The following UBE2E2 variants were observed in gnomAD, a reference collection of about 807,000 sequenced individuals.
The protein encoded by UBE2E2 is ubiquitin-conjugating enzyme E2 E2.
Under a neutral mutation model 24.7 loss-of-function variants are expected in UBE2E2, and 6 were observed. That is an observed-to-expected ratio of 0.24 (90% CI 0.13 to 0.48). The LOEUF is 0.48. UBE2E2 is among the 20% of genes least tolerant of loss of function. The pLI is 0.99. For synonymous variants in UBE2E2, 104 were observed against 83.6 expected, an observed-to-expected ratio of 1.24 and a Z score of -1.33; for missense variants, 169 against 245.0, an observed-to-expected ratio of 0.69 and a Z score of 2.07.
At chr3:23,217,428 G>A (rs1431599500) in intron 3 of UBE2E2, 116 bp downstream of exon 3, 2 of 940,896 alleles carry the variant, frequency 2.1e-6, no homozygotes, top group African/African-American at 1.7e-5. Flanking sequence ...CATCATTGTT[G>A]TTTGAACTTA....
chr3:23,527,333 C>T (rs1278135396), intron 4 of UBE2E2, among the ~76,000 whole-genome samples: 2 of 152,158 alleles, frequency 1.3e-5, no homozygotes, highest in Non-Finnish European at 2.9e-5. Flanking sequence ...GATATAAAAA[C>T]TTATGTTCAC....
chr3:23,435,600 A>G (rs1698160311), intron 3 of UBE2E2, among the ~76,000 whole-genome samples: 1 of 152,216 alleles, frequency 6.6e-6, no homozygotes, highest in Non-Finnish European at 1.5e-5. Context: ...GGAACAGAGT[A>G]AACAACTAGG....
At chr3:23,460,448 A>G (rs1306057031) in intron 3 of UBE2E2, among the ~76,000 whole-genome samples, 1 of 152,150 alleles carries the variant, frequency 6.6e-6, no homozygotes, top group Non-Finnish European at 1.5e-5. Context: ...TGGCACCTAC[A>G]TTATGGGTTA....
intron 3 of UBE2E2, among the ~76,000 whole-genome samples, chr3:23,228,547 G>A (rs967412132): frequency 1.3e-5 from 2 of 151,970 alleles, no homozygotes; most frequent in Admixed American, 6.6e-5. Context: ...TATTATGCTC[G>A]TTGATTTACA....
At chr3:23,444,850 G>C (rs910887409) in intron 3 of UBE2E2, among the ~76,000 whole-genome samples, 1 of 152,176 alleles carries the variant, frequency 6.6e-6, no homozygotes, top group Non-Finnish European at 1.5e-5. Context: ...AGTGTTTGGT[G>C]GGATGCCATG....
chr3:23,486,856 T>C (rs1699384618), intron 3 of UBE2E2, among the ~76,000 whole-genome samples: 1 of 152,184 alleles, frequency 6.6e-6, no homozygotes, highest in African/African-American at 2.4e-5. Context: ...AAGGCGTCAA[T>C]GAAGTTCTCA....
intron 3 of UBE2E2, among the ~76,000 whole-genome samples, chr3:23,434,712 G>T (rs1419672651): frequency 6.6e-6 from 1 of 152,160 alleles, no homozygotes; most frequent in Non-Finnish European, 1.5e-5. Context: ...GAAACAGTTG[G>T]ATTGGGGGTG....
chr3:23,332,334 G>A (rs1318230914), intron 3 of UBE2E2, among the ~76,000 whole-genome samples: 1 of 151,928 alleles, frequency 6.6e-6, no homozygotes, highest in African/African-American at 2.4e-5. Flanking sequence ...AGTAGAGATG[G>A]GGCTTCATGA....
chr3:23,322,189 G>A (rs1694757663), intron 3 of UBE2E2, among the ~76,000 whole-genome samples: 1 of 152,136 alleles, frequency 6.6e-6, no homozygotes, highest in African/African-American at 2.4e-5. Flanking sequence ...GCTGGAAGCT[G>A]GAATTTTTCA....
chr3:23,495,895 CTG>C (rs147293609), intron 3 of UBE2E2, among the ~76,000 whole-genome samples: 2,151 of 152,156 alleles, frequency 0.014, 53 homozygotes, highest in African/African-American at 0.049. Context: ...GCTAGGATAA[CTG>C]TGATTTTATT....
intron 3 of UBE2E2, among the ~76,000 whole-genome samples, chr3:23,396,098 T>G (rs2125365722): frequency 6.6e-6 from 1 of 151,968 alleles, no homozygotes; most frequent in South Asian, 2.1e-4. Context: ...TAAGACTTTT[T>G]AATGCATTTT....
chr3:23,410,587 T>C (rs1330003606), intron 3 of UBE2E2, among the ~76,000 whole-genome samples: 1 of 152,190 alleles, frequency 6.6e-6, no homozygotes, highest in Non-Finnish European at 1.5e-5. Context: ...ACCTTCATCT[T>C]TTCTACTAAT....
At chr3:23,286,241 T>C (rs1032407691) in intron 3 of UBE2E2, among the ~76,000 whole-genome samples, 13 of 152,212 alleles carry the variant, frequency 8.5e-5, no homozygotes, top group Non-Finnish European at 1.8e-4. Flanking sequence ...ACTCAGGAAA[T>C]CTTTGCTCAG....
At chr3:23,522,875 T>C (rs1020600987) in intron 4 of UBE2E2, among the ~76,000 whole-genome samples, 1 of 151,814 alleles carries the variant, frequency 6.6e-6, no homozygotes, top group Non-Finnish European at 1.5e-5. Context: ...CCAAAGCACA[T>C]GGGACTTCTA....
At chr3:23,548,643 T>A (rs543800962) in intron 5 of UBE2E2, among the ~76,000 whole-genome samples, 1 of 152,320 alleles carries the variant, frequency 6.6e-6, no homozygotes, top group African/African-American at 2.4e-5. Context: ...GCCTCCTGAT[T>A]TTTCTGCTGC....
intron 3 of UBE2E2, among the ~76,000 whole-genome samples, chr3:23,248,024 C>T (rs974351464): frequency 2.0e-5 from 3 of 152,216 alleles, no homozygotes; most frequent in Non-Finnish European, 4.4e-5. Flanking sequence ...TATACCAAGC[C>T]AAGTGCATTT....
chr3:23,298,709 T>C (rs1271000633), intron 3 of UBE2E2, among the ~76,000 whole-genome samples: 1 of 151,902 alleles, frequency 6.6e-6, no homozygotes, highest in African/African-American at 2.4e-5. Context: ...ATTGAGGATT[T>C]TTGCATCAAT....
At chr3:23,503,927 TGTAA>T (rs1694367575) in intron 4 of UBE2E2, among the ~76,000 whole-genome samples, 1 of 152,180 alleles carries the variant, frequency 6.6e-6, no homozygotes, top group African/African-American at 2.4e-5. Context: ...AAGTTTAATA[TGTAA>T]GTATTTTAAT....
intron 3 of UBE2E2, among the ~76,000 whole-genome samples, chr3:23,325,661 A>G (rs555155046): frequency 6.6e-6 from 1 of 152,250 alleles, no homozygotes; most frequent in African/African-American, 2.4e-5. Flanking sequence ...TCTCCGGTGT[A>G]TTTGTTTCAT....
Sources: gnomAD v4.1 joint callset for allele counts (sites outside exome capture counted in the v4.1 genomes callset) on GRCh38, gnomAD v4.1.1 for gene constraint, MANE v1.5 for transcripts, NCBI Gene and HGNC (gene_info 2026-07-23, HGNC 2026-07-21) for gene names.